The following EXOC2 variants were observed in gnomAD, a reference collection of about 807,000 sequenced individuals.
EXOC2 encodes SEC5-like 1.
In EXOC2, 70 loss-of-function variants were observed where a neutral mutation model predicts 131.8. The observed-to-expected ratio is 0.53, with a 90% CI of 0.44 to 0.65. EXOC2 has a LOEUF of 0.65. Ranked by LOEUF, EXOC2 falls within the 30% of genes least tolerant of loss-of-function variation. The pLI, the probability that EXOC2 is intolerant of heterozygous loss-of-function variation, is 0.00. For missense variants in EXOC2, 923 were observed against 1,108.6 expected (o/e 0.83, Z 2.38); for synonymous variants, 411 against 398.4 (o/e 1.03, Z -0.38).
intron 13 of EXOC2, among the ~76,000 whole-genome samples, chr6:571,785 T>A (rs1311654976): frequency 6.6e-6 from 1 of 152,162 alleles, no homozygotes; most frequent in African/African-American, 2.4e-5. Context: ...ACACCTGTCT[T>A]CTCAGTCTCC....
At chr6:546,023 T>C (rs1235867226) in intron 22 of EXOC2, among the ~76,000 whole-genome samples, 2 of 152,208 alleles carry the variant, frequency 1.3e-5, no homozygotes, top group Non-Finnish European at 2.9e-5. Flanking sequence ...CATATTTTTA[T>C]AACATATAGA....
At chr6:645,072 T>G (rs1380463095) in intron 1 of EXOC2, among the ~76,000 whole-genome samples, 1 of 152,160 alleles carries the variant, frequency 6.6e-6, no homozygotes, top group Non-Finnish European at 1.5e-5. Flanking sequence ...ATTACAAATC[T>G]ACAGTAATCA....
At chr6:561,636 A>T (rs1406128876) in intron 17 of EXOC2, among the ~76,000 whole-genome samples, 6 of 152,008 alleles carry the variant, frequency 3.9e-5, no homozygotes, top group Non-Finnish European at 8.8e-5. Flanking sequence ...ACCAGGCTGG[A>T]GTACAGTGGC....
intron 1 of EXOC2, among the ~76,000 whole-genome samples, chr6:684,111 A>T (rs1470829053): frequency 6.6e-6 from 1 of 152,184 alleles, no homozygotes; most frequent in Non-Finnish European, 1.5e-5. Context: ...GCGCCAGCTG[A>T]ACTCCCTCGC....
At chr6:569,067 C>T (rs370114505) in intron 13 of EXOC2, among the ~76,000 whole-genome samples, 1 of 152,168 alleles carries the variant, frequency 6.6e-6, no homozygotes, top group African/African-American at 2.4e-5. Flanking sequence ...GTAAAGTTTG[C>T]CCTATTTTTA....
intron 4 of EXOC2, among the ~76,000 whole-genome samples, chr6:625,750 C>T (rs898360930): frequency 5.9e-5 from 9 of 152,076 alleles, no homozygotes; most frequent in South Asian, 2.1e-4. Flanking sequence ...CAGGCCGATT[C>T]GAAGAAAATC....
chr6:526,432 A>ATTTTTTTTTTTTTTTTT (rs70985804), intron 23 of EXOC2, among the ~76,000 whole-genome samples: 1 of 76,006 alleles, frequency 1.3e-5, no homozygotes. Flanking sequence ...TTCTTTGTGG[A>ATTTTTTTTTTTTTTTTT]TTTTTTTTTT....
intron 12 of EXOC2, 41 bp downstream of exon 12, chr6:576,716 C>G (rs1463639974): frequency 1.2e-6 from 2 of 1,600,724 alleles, no homozygotes; most frequent in African/African-American, 2.7e-5. Flanking sequence ...TACACGAGTA[C>G]AAATTTAAAA....
At chr6:691,769 T>C (rs1223543480) in intron 1 of EXOC2, among the ~76,000 whole-genome samples, 2 of 152,184 alleles carry the variant, frequency 1.3e-5, no homozygotes, top group African/African-American at 2.4e-5. Flanking sequence ...ATTAAATACT[T>C]GACAAGAAAA....
intron 1 of EXOC2, among the ~76,000 whole-genome samples, chr6:648,448 A>G (rs1298864184): frequency 2.0e-5 from 3 of 152,220 alleles, no homozygotes; most frequent in Non-Finnish European, 4.4e-5. Flanking sequence ...TCTAGTCTAC[A>G]GTTGTCATTG....
At chr6:509,328 G>T (rs1764726288) in intron 23 of EXOC2, among the ~76,000 whole-genome samples, 1 of 152,168 alleles carries the variant, frequency 6.6e-6, no homozygotes, top group Non-Finnish European at 1.5e-5. Context: ...TCCCAGAAGT[G>T]GAATTGCTGA....
intron 2 of EXOC2, among the ~76,000 whole-genome samples, chr6:637,218 C>T (rs773847669): frequency 2.0e-5 from 3 of 152,130 alleles, no homozygotes; most frequent in South Asian, 2.1e-4. Flanking sequence ...CCACAGATCA[C>T]GATGAGGACA....
At chr6:635,544 G>A (rs1055628296) in intron 2 of EXOC2, among the ~76,000 whole-genome samples, 3 of 152,024 alleles carry the variant, frequency 2.0e-5, no homozygotes, top group East Asian at 1.9e-4. Context: ...GCTAAGCTAC[G>A]CTAAGAAATC....
chr6:562,966 GA>G, intron 16 of EXOC2, 121 bp from the exon 17 acceptor site: 1 of 577,952 alleles, frequency 1.7e-6, no homozygotes. Flanking sequence ...AAAACTCGAT[GA>G]AAGTAGGCAA....
intron 21 of EXOC2, among the ~76,000 whole-genome samples, chr6:550,524 A>G (rs1757088221): frequency 6.6e-6 from 1 of 152,230 alleles, no homozygotes; most frequent in Admixed American, 6.5e-5. Context: ...GGATCTTCAA[A>G]CAAGCGAACG....
At chr6:605,979 C>T (rs1760387632) in intron 7 of EXOC2, among the ~76,000 whole-genome samples, 1 of 152,186 alleles carries the variant, frequency 6.6e-6, no homozygotes, top group African/African-American at 2.4e-5. Flanking sequence ...CATTCAGGAG[C>T]AGGTTGTTCA....
chr6:677,929 ATC>A (rs557443914), intron 1 of EXOC2, among the ~76,000 whole-genome samples: 57 of 140,292 alleles, frequency 4.1e-4, no homozygotes, highest in Middle Eastern at 3.5e-3. Context: ...TGTGCTTATA[ATC>A]TCTCACACAC....
chr6:621,102 A>G (rs1280112135), intron 4 of EXOC2, among the ~76,000 whole-genome samples: 1 of 152,186 alleles, frequency 6.6e-6, no homozygotes, highest in Non-Finnish European at 1.5e-5. Context: ...ACCAGTGCCC[A>G]TAGGCACAAC....
intron 7 of EXOC2, among the ~76,000 whole-genome samples, chr6:604,059 A>C (rs962044794): frequency 2.6e-5 from 4 of 152,178 alleles, no homozygotes; most frequent in Non-Finnish European, 5.9e-5. Flanking sequence ...CCCCCGTTTT[A>C]TGTTGGAGGC....
Sources: gnomAD v4.1 joint callset for allele counts (sites outside exome capture counted in the v4.1 genomes callset) on GRCh38, gnomAD v4.1.1 for gene constraint, MANE v1.5 for transcripts, NCBI Gene and HGNC (gene_info 2026-07-23, HGNC 2026-07-21) for gene names.